Variants in ACP5 observed in about 807,000 individuals in gnomAD.
ACP5 encodes the protein tartrate-resistant acid phosphatase type 5.
ACP5 carries 24 observed loss-of-function variants against 28.7 expected under a neutral mutation model. That is an observed-to-expected ratio of 0.84 (90% CI 0.61 to 1.18). The LOEUF (loss-of-function observed/expected upper bound fraction) is 1.18. Ranked by LOEUF, ACP5 falls within the 50% of genes most tolerant of loss-of-function variation. ACP5 has a pLI of 0.00. For synonymous variants in ACP5, 154 were observed against 181.4 expected (o/e 0.85, Z 1.21); for missense variants, 354 against 422.2 (o/e 0.84, Z 1.42).
chr19:11,575,218 A>G lies in ACP5; in HGVS notation c.770T>C (p.Leu257Pro), dbSNP rs757680465. 6 of 1,613,906 alleles carry G rather than the reference A, an allele frequency of 3.7e-6. No homozygotes were observed. The highest frequency in any genetic ancestry group is 5.1e-6 in the Non-Finnish European group (6 of 1,180,022). ...LQDENGVGYV[L>P]SGAGNFMDPS... Reference sequence around the variant, plus strand: ...GTCCATGAAATTCCCAGCCCCACTCAGCACGTAGCCCACGCCATTCTCATC... The same window carrying G: ...GTCCATGAAATTCCCAGCCCCACTCGGCACGTAGCCCACGCCATTCTCATC... Residue 257 changes from leucine (L) to proline (P), a missense_variant, in exon 5 of 5, where the codon CTG (leucine) becomes CCG (proline). Leu to Pro is a moderately conservative substitution (Grantham distance 98). Transcript: ENST00000648477.
intron 2 of ACP5, 51 bp from the exon 3 acceptor site, chr19:11,576,894 C>G (rs566300441): frequency 7.4e-6 from 12 of 1,613,520 alleles, no homozygotes; most frequent in Non-Finnish European, 1.0e-5. Context: ...GTGGCTATGC[C>G]GATCCTCCCA....
Position 11,575,205 on chromosome 19 carries a change from C to T in ACP5, c.783G>A (p.Gly261=), listed in dbSNP as rs141519703. Residue 261 remains glycine, a synonymous_variant, in exon 5 of 5, where the codon GGG becomes GGA. Coordinates refer to ENST00000648477, the MANE Select transcript of ACP5 (RefSeq NM_001611.5). ...GCCGCTTTGAGGGGTCCATGAAATT[C>T]CCAGCCCCACTCAGCACGTAGCCCA... ...NGVGYVLSGA[G]NFMDPSKRHQ... is the part of the protein sequence containing the mutation. The T allele has an allele frequency of 1.5e-5, 24 of 1,613,896 alleles. No homozygotes were observed. The African/African-American group carries it at 2.9e-4, about 20-fold the overall frequency.
At position 11,576,407 on chromosome 19, in the gene ACP5, G is replaced by C. The variant is rs1177510514; in HGVS notation, c.571C>G (p.Gln191Glu). Residue 191 changes from glutamine to glutamate, a missense_variant, in exon 4 of 5, where the codon CAG becomes GAG. Coordinates refer to ENST00000648477, the MANE Select transcript of ACP5 (RefSeq NM_001611.5). ...TAGTCCTCCCTGGCCGCCGCCAGCTGTTTCTTGAGCCAGGACAGCTGTGTG... is the reference window on the plus strand; with the variant it reads ...TAGTCCTCCCTGGCCGCCGCCAGCTCTTTCTTGAGCCAGGACAGCTGTGTG... ...ARTQLSWLKK[Q>E]LAAAREDYVL... 6.2e-7 allele frequency: 1 copy of C among 1,612,914 alleles called. No individual in the cohort carries two copies. The highest frequency in any genetic ancestry group is 1.3e-5 in the African/African-American group (1 of 74,904).
chr19:11,575,826 C>G (rs1973115076), intron 4 of ACP5, among the ~76,000 whole-genome samples: 7 of 148,698 alleles, frequency 4.7e-5, no homozygotes. Context: ...CACTGCACTC[C>G]CTCTCAAAAA....
chr19:11,578,074 A>T (rs76639504), upstream of ACP5: 13,554 of 154,340 alleles, frequency 0.088, 752 homozygotes, highest in Middle Eastern at 0.14. Flanking sequence ...GAGCATGCCT[A>T]CCTGGGCCTC....
rs1973194744 is a variant in ACP5, at chr19:11,577,101, A to C, written c.217T>G (p.Phe73Val). 1 of 1,614,070 alleles carries C rather than the reference A, an allele frequency of 6.2e-7. No individual in the cohort carries two copies. Reference protein sequence around the residue: ...ADFILSLGDNFYFTGVQDIND... With the variant: ...ADFILSLGDNVYFTGVQDIND... The stretch of plus-strand genomic sequence containing the variant: ...ATGTCTTGCACACCAGTGAAGTAAA[A>C]ATTGTCCCCTAGAGACAGGATGAAG... The change falls in exon 2 of 5, where the codon TTT becomes GTT. Residue 73 changes from phenylalanine to valine, a missense_variant. Coordinates refer to ENST00000648477, the MANE Select transcript of ACP5 (RefSeq NM_001611.5). This position sits in a 1 kb window ranked among gnomAD's most constrained non-coding sequence, Gnocchi z 5.7.
In ACP5 at chr19:11,577,386, C is replaced by T; in HGVS notation, c.1-69G>A. On this transcript the variant is annotated intron_variant, in intron 1 of 4. Transcript: ENST00000648477. This position sits in a 1 kb window ranked among gnomAD's most constrained non-coding sequence, Gnocchi z 5.7. ...GGGCAGGGAGGCCTTGAGACCCCCG[C>T]CTGCCCTGAGATAGAGGGAGACTGC... is the stretch of plus-strand genomic sequence containing the variant. 6.4e-7 allele frequency: 1 copy of T among 1,551,592 alleles called. No homozygotes were observed. Among genetic ancestry groups the T allele is most frequent in the Middle Eastern group, 1.9e-4 (1 of 5,284 alleles).
In ACP5 at chr19:11,577,050, C is replaced by T. The variant is rs1309641245; in HGVS notation, c.261+7G>A. The T allele has an allele frequency of 6.2e-7, 1 of 1,614,122 alleles. No homozygotes were observed. The highest frequency in any genetic ancestry group is 2.2e-5 in the East Asian group (1 of 44,870). On this transcript the variant is annotated splice_region_variant and intron_variant, in intron 2 of 4. Coordinates refer to ENST00000648477, the MANE Select transcript of ACP5 (RefSeq NM_001611.5). The surrounding 1 kb of genome is among the most constrained non-coding windows in gnomAD (Gnocchi z 5.7). ...CCACCTCCTGCCCCACTCTGTTGGG[C>T]ACAGACCTGGAACCTCTTGTCATTG...
intron 2 of ACP5, 40 bp from the exon 3 acceptor site, chr19:11,576,883 A>T: frequency 1.9e-6 from 3 of 1,613,876 alleles, no homozygotes; most frequent in Non-Finnish European, 2.5e-6. Flanking sequence ...CCCTGGGGTC[A>T]GTGGCTATGC....
Position 11,576,413 on chromosome 19 carries a change from T to C in ACP5, c.565A>G (p.Lys189Glu), listed in dbSNP as rs1271850466. Residue 189 changes from lysine (K) to glutamate (E), a missense_variant, in exon 4 of 5, where the codon AAG becomes GAG. Coordinates refer to ENST00000648477, the MANE Select transcript of ACP5 (RefSeq NM_001611.5). Reference sequence around the variant, plus strand: ...TCCCTGGCCGCCGCCAGCTGTTTCTTGAGCCAGGACAGCTGTGTGCGGGCC... The same window carrying C: ...TCCCTGGCCGCCGCCAGCTGTTTCTCGAGCCAGGACAGCTGTGTGCGGGCC... ...KLARTQLSWL[K>E]KQLAAAREDY... 6.2e-7 allele frequency: 1 copy of C among 1,613,380 alleles called. No homozygotes were observed. Among genetic ancestry groups the C allele is most frequent in the Non-Finnish European group, 8.5e-7 (1 of 1,179,644 alleles).
In ACP5 at chr19:11,577,255, A is replaced by G; in HGVS notation, c.63T>C (p.Gly21=). The change falls in exon 2 of 5, where the codon GGT becomes GGC. Residue 21 remains glycine (G), a synonymous_variant. Transcript: ENST00000648477. The surrounding 1 kb of genome is among the most constrained non-coding windows in gnomAD (Gnocchi z 5.7). Reference sequence around the variant, plus strand: ...CTACAAAGCGCAGGGCAGGGGTGGCACCATCAGCCAGGGAGGGTAGCAACA... The same window carrying G: ...CTACAAAGCGCAGGGCAGGGGTGGCGCCATCAGCCAGGGAGGGTAGCAACA... ...QALLLPSLAD[G]ATPALRFVAV... is the part of the protein sequence containing the mutation. 6.2e-7 allele frequency: 1 copy of G among 1,614,134 alleles called. No homozygotes were observed. The highest frequency in any genetic ancestry group is 8.5e-7 in the Non-Finnish European group (1 of 1,180,012).
At chr19:11,578,747 T>C (rs1015740613), upstream of ACP5, 2 of 151,872 alleles carry the variant, frequency 1.3e-5, no homozygotes, top group Non-Finnish European at 2.9e-5. Context: ...AAGTGCTTGG[T>C]CCCCCCCATT....
intron 3 of ACP5, 27 bp from the exon 4 acceptor site, chr19:11,576,615 G>A: frequency 6.2e-7 from 1 of 1,613,484 alleles, no homozygotes; most frequent in Admixed American, 1.7e-5. Context: ...GGTCGTGGGT[G>A]CACATCTTGG....
intron 3 of ACP5, 37 bp from the exon 4 acceptor site, chr19:11,576,625 G>A (rs1446870409): frequency 1.2e-6 from 2 of 1,613,554 alleles, no homozygotes; most frequent in African/African-American, 1.3e-5. Flanking sequence ...GCACATCTTG[G>A]GCGCAGAAGT....
At chr19:11,575,431 A>C in intron 4 of ACP5, 179 bp from the exon 5 acceptor site, 3 of 741,004 alleles carry the variant, frequency 4.0e-6, no homozygotes, top group Non-Finnish European at 6.7e-6. Context: ...AGCACTTAGT[A>C]AGAAATTGGT....
At position 11,576,603 on chromosome 19, in the gene ACP5, G is replaced by C. The variant is rs1319722528; in HGVS notation, c.390-15C>G. 1 of 1,613,820 alleles carries C rather than the reference G, an allele frequency of 6.2e-7. No homozygotes were observed. Among genetic ancestry groups the C allele is most frequent in the Non-Finnish European group, 8.5e-7 (1 of 1,179,828 alleles). On this transcript the variant is annotated splice_polypyrimidine_tract_variant and intron_variant, in intron 3 of 4. Transcript: ENST00000648477. ...TGGGGAAGTTCCTGTGGAGGGGATAGAGGTCGTGGGTGCACATCTTGGGCG... is the reference window on the plus strand; with the variant it reads ...TGGGGAAGTTCCTGTGGAGGGGATACAGGTCGTGGGTGCACATCTTGGGCG...
At position 11,577,431 on chromosome 19, in the gene ACP5, C is replaced by G; in HGVS notation, c.1-114G>C. 1 of 1,237,494 alleles carries G rather than the reference C, an allele frequency of 8.1e-7. No homozygotes were observed. Among genetic ancestry groups the G allele is most frequent in the Non-Finnish European group, 1.2e-6 (1 of 866,698 alleles). 76.7% of individuals were successfully genotyped at this position (1,237,494 alleles called of 1,614,324 possible). On this transcript the variant is annotated intron_variant, in intron 1 of 4. Transcript: ENST00000648477. This position sits in a 1 kb window ranked among gnomAD's most constrained non-coding sequence, Gnocchi z 5.7. ...GACTGCTTGCTGCAGGCTGCCCCTG[C>G]GGGAACCCCTTGGTGCCCTAATTCT...
At position 11,574,894 on chromosome 19, in the gene ACP5, C is replaced by T; in HGVS notation, c.*116G>A. 8.1e-7 allele frequency: 1 copy of T among 1,240,388 alleles called. No homozygotes were observed. Among genetic ancestry groups the T allele is most frequent in the East Asian group, 2.4e-5 (1 of 41,638 alleles). The allele number at this position is 1,240,388 out of a possible 1,614,324, so 76.8% of individuals were successfully genotyped here. A position where few individuals can be genotyped will look rare whatever the true frequency, so the allele number is the denominator to read the frequency against. On this transcript the variant is annotated 3_prime_UTR_variant, in exon 5 of 5. Coordinates refer to ENST00000648477, the MANE Select transcript of ACP5 (RefSeq NM_001611.5). ...AGTTCATCAGCTGTGTTTCCCCTTC[C>T]TGCCCTGCTGCAGCGCCACAGGTTG...
At chr19:11,575,296 C>A (rs767190437) in intron 4 of ACP5, 44 bp from the exon 5 acceptor site, 1 of 1,611,514 alleles carries the variant, frequency 6.2e-7, no homozygotes, top group South Asian at 1.1e-5. Context: ...CAGCTTTGAG[C>A]AGAGCCCTGC....
Sources: gnomAD v4.1 joint callset for allele counts (sites outside exome capture counted in the v4.1 genomes callset) on GRCh38, gnomAD v4.1.1 for gene constraint, Gnocchi (gnomAD v3.1) non-coding constraint, MANE v1.5 for transcripts, NCBI Gene and HGNC (gene_info 2026-07-23, HGNC 2026-07-21) for gene names.